The following ZMAT4 variants were observed in gnomAD, a reference collection of about 807,000 sequenced individuals.
The protein encoded by ZMAT4 is zinc finger matrin-type 4, also known as zinc finger matrin-type protein 4.
In ZMAT4, 17 loss-of-function variants were observed where a neutral mutation model predicts 28.7. The ratio of observed to expected loss-of-function variants is 0.59; its 90% CI spans 0.41 to 0.89. ZMAT4 has a LOEUF of 0.89. Among genes scored for constraint, ZMAT4 ranks in the 40% least tolerant of loss-of-function variants. ZMAT4 has a pLI of 0.00. For missense variants in ZMAT4, 240 were observed against 283.8 expected, an observed-to-expected ratio of 0.85 and a Z score of 1.11; for synonymous variants, 117 against 109.2, an observed-to-expected ratio of 1.07 and a Z score of -0.44.
intron 2 of ZMAT4, among the ~76,000 whole-genome samples, chr8:40,784,006 C>T (rs1478209505): frequency 6.6e-6 from 1 of 152,012 alleles, no homozygotes; most frequent in East Asian, 1.9e-4. Context: ...AGCGAAACTC[C>T]ATCTCAAAAA....
intron 6 of ZMAT4, among the ~76,000 whole-genome samples, chr8:40,553,418 G>A (rs1398404924): frequency 6.6e-6 from 1 of 152,080 alleles, no homozygotes; most frequent in African/African-American, 2.4e-5. Flanking sequence ...AAAAGTAGAG[G>A]GTGGCATACT....
chr8:40,635,364 A>G (rs1806753295), intron 5 of ZMAT4, among the ~76,000 whole-genome samples: 1 of 152,022 alleles, frequency 6.6e-6, no homozygotes, highest in South Asian at 2.1e-4. Flanking sequence ...TTCTCTCCCT[A>G]ACAATCCCCT....
chr8:40,670,447 A>C (rs1434147548), intron 5 of ZMAT4, among the ~76,000 whole-genome samples: 1 of 152,238 alleles, frequency 6.6e-6, no homozygotes, highest in Non-Finnish European at 1.5e-5. Context: ...AGAAGAAAAC[A>C]TACAAGAATA....
chr8:40,774,918 C>T (rs111558630), intron 2 of ZMAT4, among the ~76,000 whole-genome samples: 35 of 152,154 alleles, frequency 2.3e-4, no homozygotes, highest in African/African-American at 7.7e-4. Context: ...ATGGAAAAAT[C>T]ATCATTTTAA....
chr8:40,549,240 C>T (rs1450819070), intron 6 of ZMAT4, among the ~76,000 whole-genome samples: 9 of 152,148 alleles, frequency 5.9e-5, no homozygotes, highest in Non-Finnish European at 1.2e-4. Flanking sequence ...AGATACATTT[C>T]TGTTCTTTAT....
chr8:40,547,957 C>T (rs942291871), intron 6 of ZMAT4, among the ~76,000 whole-genome samples: 7 of 152,094 alleles, frequency 4.6e-5, no homozygotes, highest in African/African-American at 1.7e-4. Context: ...GTAGGGTGAT[C>T]TGGGACGGCC....
At chr8:40,590,613 C>T (rs1156430243) in intron 5 of ZMAT4, among the ~76,000 whole-genome samples, 2 of 152,020 alleles carry the variant, frequency 1.3e-5, no homozygotes, top group African/African-American at 2.4e-5. Context: ...AACTGAGGGC[C>T]AAGTCCCTAC....
chr8:40,816,768 T>C (rs16875489), intron 2 of ZMAT4, among the ~76,000 whole-genome samples: 4,804 of 152,274 alleles, frequency 0.032, 249 homozygotes, highest in East Asian at 0.21. Flanking sequence ...TTACTAATTG[T>C]CTATTTTAGT....
intron 6 of ZMAT4, among the ~76,000 whole-genome samples, chr8:40,579,015 A>G (rs1804363318): frequency 6.6e-6 from 1 of 152,160 alleles, no homozygotes; most frequent in Non-Finnish European, 1.5e-5. Context: ...AAGTCACTTT[A>G]CCTCTCTAAG....
At chr8:40,553,674 A>G (rs985828788) in intron 6 of ZMAT4, among the ~76,000 whole-genome samples, 2 of 152,158 alleles carry the variant, frequency 1.3e-5, no homozygotes, top group East Asian at 1.9e-4. Context: ...CATTGTATAG[A>G]TGATACTAAG....
At chr8:40,823,670 C>CAT (rs766688835) in intron 2 of ZMAT4, among the ~76,000 whole-genome samples, 7 of 151,746 alleles carry the variant, frequency 4.6e-5, no homozygotes, top group Admixed American at 1.3e-4. Context: ...CACAAATATA[C>CAT]ATATATATAC....
intron 5 of ZMAT4, among the ~76,000 whole-genome samples, chr8:40,590,138 G>A (rs982695618): frequency 6.6e-5 from 10 of 151,338 alleles, no homozygotes; most frequent in Admixed American, 5.9e-4. Flanking sequence ...TCCTCCCTCA[G>A]CCTCCTTAGT....
At chr8:40,646,482 T>C (rs1429366973) in intron 5 of ZMAT4, among the ~76,000 whole-genome samples, 2 of 152,128 alleles carry the variant, frequency 1.3e-5, no homozygotes, top group African/African-American at 2.4e-5. Flanking sequence ...TTGTCAATTT[T>C]ATTAATATTT....
At chr8:40,643,230 G>T (rs927797512) in intron 5 of ZMAT4, among the ~76,000 whole-genome samples, 1 of 151,942 alleles carries the variant, frequency 6.6e-6, no homozygotes, top group Non-Finnish European at 1.5e-5. Context: ...TTGTTTCCAC[G>T]GTGGCAATGA....
intron 2 of ZMAT4, among the ~76,000 whole-genome samples, chr8:40,795,992 A>G (rs1281739868): frequency 1.3e-5 from 2 of 152,154 alleles, no homozygotes; most frequent in African/African-American, 4.8e-5. Flanking sequence ...CTTCTCACTC[A>G]GAGTCTTCAA....
At chr8:40,690,781 A>G (rs1366346802) in intron 4 of ZMAT4, 1 of 484,646 alleles carries the variant, frequency 2.1e-6, no homozygotes, top group Non-Finnish European at 2.7e-6. Flanking sequence ...AAATTTATGT[A>G]AAAGTTCTGA....
intron 1 of ZMAT4, among the ~76,000 whole-genome samples, chr8:40,881,442 A>AGAAAGAAAGAAAGAAC (rs2150663463): frequency 1.2e-5 from 1 of 84,674 alleles, no homozygotes; most frequent in East Asian, 2.6e-4. Flanking sequence ...AGAGAAAGAA[A>AGAAAGAAAGAAAGAAC]GAAAGAAAGA....
chr8:40,813,956 G>A (rs1281373688), intron 2 of ZMAT4, among the ~76,000 whole-genome samples: 1 of 152,166 alleles, frequency 6.6e-6, no homozygotes, highest in Non-Finnish European at 1.5e-5. Context: ...AGCCTTTCCT[G>A]CAATTGGAAT....
chr8:40,755,788 CCTT>C (rs1812653787), intron 3 of ZMAT4, among the ~76,000 whole-genome samples: 1 of 152,038 alleles, frequency 6.6e-6, no homozygotes. Context: ...CATGATATAC[CCTT>C]CTTCTTTTGA....
Sources: allele counts gnomAD v4.1 joint callset (sites outside exome capture counted in the v4.1 genomes callset), GRCh38; gene constraint gnomAD v4.1.1; transcripts MANE v1.5; gene names NCBI Gene and HGNC (gene_info 2026-07-23, HGNC 2026-07-21).